PLSCR5: variants seen among roughly 807,000 people sequenced by gnomAD.
PLSCR5 encodes phospholipid scramblase family member 5, also known as phospholipid scramblase family, member 5.
Under a neutral mutation model 33.6 loss-of-function variants are expected in PLSCR5, and 44 were observed. The observed-to-expected ratio is 1.31, with a 90% CI of 1.03 to 1.69. The LOEUF (loss-of-function observed/expected upper bound fraction) is 1.69. Ranked by LOEUF, PLSCR5 falls within the 40% of genes most tolerant of loss-of-function variation. The probability of loss-of-function intolerance (pLI) is 0.00; values close to 1 mark genes in which losing one functional copy is unlikely to be tolerated. For synonymous variants in PLSCR5, 148 were observed against 112.3 expected (o/e 1.32, Z -2.01); for missense variants, 375 against 318.7 (o/e 1.18, Z -1.34).
At chr3:146,601,334 C>T (rs2044813631) in intron 1 of PLSCR5, among the ~76,000 whole-genome samples, 1 of 151,948 alleles carries the variant, frequency 6.6e-6, no homozygotes, top group African/African-American at 2.4e-5. Flanking sequence ...ATAACTACCA[C>T]TTGGATATCT....
intron 2 of PLSCR5, 75 bp from the exon 3 acceptor site, chr3:146,595,158 C>T (rs2044748937): frequency 1.3e-6 from 1 of 754,448 alleles, no homozygotes; most frequent in South Asian, 4.1e-5. Flanking sequence ...CTACTAGTAC[C>T]CTATTTACTA....
At chr3:146,594,312 G>A (rs1222418233) in intron 3 of PLSCR5, among the ~76,000 whole-genome samples, 172 bp from the exon 4 acceptor site, 1 of 152,042 alleles carries the variant, frequency 6.6e-6, no homozygotes, top group African/African-American at 2.4e-5. Flanking sequence ...CTTAGCCATG[G>A]AAATAAAAGT....
chr3:146,591,066 C>T, intron 5 of PLSCR5, among the ~76,000 whole-genome samples: 1 of 146,796 alleles, frequency 6.8e-6, no homozygotes, highest in Non-Finnish European at 1.5e-5. Flanking sequence ...TGAGTTAATG[C>T]TGTTTTAATG....
At chr3:146,583,479 C>T (rs1377714574), downstream of PLSCR5, among the ~76,000 whole-genome samples, 2 of 152,136 alleles carry the variant, frequency 1.3e-5, no homozygotes, top group Non-Finnish European at 2.9e-5. Flanking sequence ...GTACAAGTAT[C>T]AGTCCTGGTC....
At chr3:146,604,610 C>T (rs73156958) in intron 1 of PLSCR5, among the ~76,000 whole-genome samples, 3,130 of 152,002 alleles carry the variant, frequency 0.021, 51 homozygotes, top group Non-Finnish European at 0.033. Flanking sequence ...ATTTGAATAA[C>T]AAATGGGAAA....
At chr3:146,591,684 C>A (rs759699915) in intron 5 of PLSCR5, 36 bp downstream of exon 5, 6 of 1,570,648 alleles carry the variant, frequency 3.8e-6, no homozygotes, top group South Asian at 1.2e-5. Context: ...AAAATCAGGA[C>A]CTAAATGAAA....
intron 2 of PLSCR5, among the ~76,000 whole-genome samples, chr3:146,596,976 T>A (rs2044766624): frequency 6.6e-6 from 1 of 152,162 alleles, no homozygotes; most frequent in Non-Finnish European, 1.5e-5. Flanking sequence ...CTGCATTAGT[T>A]CTGTTATCTT....
intron 1 of PLSCR5, among the ~76,000 whole-genome samples, chr3:146,603,534 G>C (rs9884041): frequency 0.1 from 15,228 of 152,018 alleles, 863 homozygotes; most frequent in African/African-American, 0.14. Flanking sequence ...TATCATTATG[G>C]AACATCACTG....
chr3:146,595,086 G>A lies in PLSCR5; in HGVS notation c.190-3C>T. The A allele has an allele frequency of 7.1e-7, 1 of 1,409,434 alleles. No individual in the cohort carries two copies. The highest frequency in any genetic ancestry group is 9.4e-7 in the Non-Finnish European group (1 of 1,063,868). The allele number at this position is 1,409,434 out of a possible 1,614,324, so 87.3% of individuals were successfully genotyped here. A position where few individuals can be genotyped will look rare whatever the true frequency, so the allele number is the denominator to read the frequency against. ...TGGTGTATAATTATCAGGTCTAACT[G>A]TAAAGGATGACATAAAAGGAAATAA... is the stretch of plus-strand genomic sequence containing the variant. On this transcript the variant is annotated splice_region_variant and splice_polypyrimidine_tract_variant and intron_variant, in intron 2 of 7. Coordinates refer to ENST00000443512, the MANE Select transcript of PLSCR5 (RefSeq NM_001085420.2).
chr3:146,595,376 T>C (rs933205825), intron 2 of PLSCR5, among the ~76,000 whole-genome samples: 4 of 152,136 alleles, frequency 2.6e-5, no homozygotes, highest in South Asian at 2.1e-4. Context: ...CCAGTACTTC[T>C]GGAGGTCAAG....
intron 2 of PLSCR5, 74 bp from the exon 3 acceptor site, chr3:146,595,157 C>T (rs2107855214): frequency 1.3e-6 from 1 of 769,578 alleles, no homozygotes; most frequent in South Asian, 3.9e-5. Flanking sequence ...ACTACTAGTA[C>T]CCTATTTACT....
At position 146,589,722 on chromosome 3, in the gene PLSCR5, G is replaced by A. The variant is rs374815718; in HGVS notation, c.708C>T (p.Phe236=). 19 of 1,602,204 alleles carry A rather than the reference G, an allele frequency of 1.2e-5. No homozygotes were observed. The highest frequency in any genetic ancestry group is 4.0e-5 in the African/African-American group (3 of 74,672). Residue 236 remains phenylalanine (F), a synonymous_variant, in exon 6 of 8, where the codon TTC becomes TTT. Transcript: ENST00000443512. Reference sequence around the variant, plus strand: ...CTAGATCTGCAGGAACATGAATTCCGAAATTGTCAGCATTTGTGAAGACAT... The same window carrying A: ...CTAGATCTGCAGGAACATGAATTCCAAAATTGTCAGCATTTGTGAAGACAT... ...VNDVFTNADN[F]GIHVPADLDV...
chr3:146,578,305 C>T (rs1031975979), intron 7 of PLSCR5, among the ~76,000 whole-genome samples: 1 of 151,866 alleles, frequency 6.6e-6, no homozygotes, highest in African/African-American at 2.4e-5. Context: ...ATAATAACCA[C>T]AAAGATAACC....
At chr3:146,576,859 C>T (rs2107843885) in intron 7 of PLSCR5, 1 of 151,850 alleles carries the variant, frequency 6.6e-6, no homozygotes, top group South Asian at 2.1e-4. Context: ...TATAAGTAAG[C>T]CAGACACTGA....
intron 2 of PLSCR5, among the ~76,000 whole-genome samples, chr3:146,596,708 C>T (rs1414903156): frequency 6.6e-6 from 1 of 152,174 alleles, no homozygotes; most frequent in East Asian, 1.9e-4. Flanking sequence ...GATTGGACAT[C>T]ACAATCTCAG....
At chr3:146,577,772 C>T (rs342931) in intron 7 of PLSCR5, among the ~76,000 whole-genome samples, 46,110 of 151,836 alleles carry the variant, frequency 0.3, 7,348 homozygotes, top group East Asian at 0.56. Flanking sequence ...GTTTTATTTC[C>T]CAGATTACAG....
At chr3:146,596,588 C>A (rs115217998) in intron 2 of PLSCR5, among the ~76,000 whole-genome samples, 20 of 152,260 alleles carry the variant, frequency 1.3e-4, no homozygotes, top group Non-Finnish European at 2.6e-4. Flanking sequence ...TATTTTCTAA[C>A]GCTTCATTTT....
intron 6 of PLSCR5, among the ~76,000 whole-genome samples, chr3:146,587,337 G>A (rs939159516): frequency 6.6e-6 from 1 of 152,142 alleles, no homozygotes; most frequent in Non-Finnish European, 1.5e-5. Context: ...TATGTTTAGA[G>A]GGTTTCTGAA....
intron 1 of PLSCR5, among the ~76,000 whole-genome samples, chr3:146,604,216 A>T (rs764561531): frequency 3.9e-5 from 6 of 152,100 alleles, no homozygotes; most frequent in Admixed American, 6.6e-5. Context: ...TTAGTGGTTC[A>T]TTCTGACAAT....
Sources: gnomAD v4.1 joint callset for allele counts (sites outside exome capture counted in the v4.1 genomes callset) on GRCh38, gnomAD v4.1.1 for gene constraint, MANE v1.5 for transcripts, NCBI Gene and HGNC (gene_info 2026-07-23, HGNC 2026-07-21) for gene names.